CDH12: variants seen among roughly 807,000 people sequenced by gnomAD.
CDH12 encodes cadherin 12, also known as cadherin-12.
Under a neutral mutation model 74.1 loss-of-function variants are expected in CDH12, and 41 were observed. That is an observed-to-expected ratio of 0.55 (90% CI 0.43 to 0.72). The LOEUF (loss-of-function observed/expected upper bound fraction) is 0.72, where lower values mean the gene tolerates loss of function less well. CDH12 is among the 30% of genes least tolerant of loss of function. The probability of loss-of-function intolerance (pLI) is 0.00; values close to 1 mark genes in which losing one functional copy is unlikely to be tolerated. For missense variants in CDH12, 945 were observed against 977.2 expected (o/e 0.97, Z 0.44); for synonymous variants, 399 against 355.0 (o/e 1.12, Z -1.39).
intron 1 of CDH12, among the ~76,000 whole-genome samples, chr5:22,753,307 G>A (rs1289176756): frequency 6.6e-6 from 1 of 151,480 alleles, no homozygotes; most frequent in East Asian, 2.0e-4. Flanking sequence ...CACGGTGGCG[G>A]GCGCCTGTAG....
intron 1 of CDH12, among the ~76,000 whole-genome samples, chr5:22,567,486 G>A (rs146397864): frequency 1.6e-3 from 239 of 152,204 alleles, no homozygotes; most frequent in African/African-American, 5.6e-3. Context: ...CAGTTTTCCC[G>A]TGTCTTTCAA....
intron 4 of CDH12, among the ~76,000 whole-genome samples, chr5:22,097,460 C>A (rs1031227942): frequency 1.3e-5 from 2 of 152,152 alleles, no homozygotes; most frequent in African/African-American, 2.4e-5. Flanking sequence ...GCCTGTTTCC[C>A]TTGCCTCCAT....
chr5:22,561,524 G>A (rs796260929), intron 1 of CDH12, among the ~76,000 whole-genome samples: 173 of 151,910 alleles, frequency 1.1e-3, no homozygotes, highest in African/African-American at 3.9e-3. Flanking sequence ...TTCCACCTAA[G>A]GGAGCTGGAT....
intron 1 of CDH12, among the ~76,000 whole-genome samples, chr5:22,657,413 A>G (rs1194324055): frequency 6.6e-6 from 1 of 152,136 alleles, no homozygotes; most frequent in Non-Finnish European, 1.5e-5. Context: ...CTTTGATAAT[A>G]TTTTACATTA....
At chr5:22,506,440 G>A (rs1215625206) in intron 1 of CDH12, among the ~76,000 whole-genome samples, 1 of 151,920 alleles carries the variant, frequency 6.6e-6, no homozygotes, top group Non-Finnish European at 1.5e-5. Context: ...TTTAGCTTTG[G>A]ACTTCGTGAG....
chr5:22,727,879 T>C (rs1412893878), intron 1 of CDH12, among the ~76,000 whole-genome samples: 1 of 151,768 alleles, frequency 6.6e-6, no homozygotes, highest in Non-Finnish European at 1.5e-5. Context: ...TTTACTTTTG[T>C]TATCTGCATT....
At position 22,273,751 on chromosome 5, in the gene CDH12, C is replaced by T. The variant is rs547016643; in HGVS notation, c.-332-61108G>A. ...TGGTGGGATTATTCCTATCTCACTC[C>T]TTTTCTTTGAGTGAGGTGGGAATAC... On this transcript the variant is annotated intron_variant, in intron 3 of 14. Transcript: ENST00000382254. 7.9e-5 allele frequency among the ~76,000 whole-genome samples: 12 copies of T among 151,286 alleles called. No individual in the cohort carries two copies. In the South Asian group the frequency reaches 2.5e-3, roughly 31 times the overall value.
intron 1 of CDH12, among the ~76,000 whole-genome samples, chr5:22,640,844 C>T (rs1739110025): frequency 6.6e-6 from 1 of 151,038 alleles, no homozygotes; most frequent in Non-Finnish European, 1.5e-5. Flanking sequence ...TCTCTGGTCA[C>T]TATTCATACG....
intron 3 of CDH12, among the ~76,000 whole-genome samples, chr5:22,313,240 T>A (rs539706592): frequency 6.6e-6 from 1 of 152,206 alleles, no homozygotes; most frequent in South Asian, 2.1e-4. Context: ...GTATTAAACT[T>A]TTTTATCAAG....
At chr5:22,147,383 T>G (rs1747257349) in intron 4 of CDH12, among the ~76,000 whole-genome samples, 1 of 152,176 alleles carries the variant, frequency 6.6e-6, no homozygotes, top group African/African-American at 2.4e-5. Context: ...GGTAAACTCT[T>G]AATTAAGTGG....
intron 1 of CDH12, among the ~76,000 whole-genome samples, chr5:22,811,376 G>C (rs1180659347): frequency 1.3e-5 from 2 of 152,154 alleles, no homozygotes; most frequent in Non-Finnish European, 2.9e-5. Flanking sequence ...TGAGCAGAAA[G>C]AGAGAACCTA....
chr5:21,771,396 A>G (rs1216300077), intron 11 of CDH12, among the ~76,000 whole-genome samples: 1 of 152,174 alleles, frequency 6.6e-6, no homozygotes, highest in Admixed American at 6.6e-5. Context: ...TTATGTTTAA[A>G]TGGCACATTA....
chr5:21,861,052 G>T (rs1245789954), intron 6 of CDH12, among the ~76,000 whole-genome samples: 1 of 151,992 alleles, frequency 6.6e-6, no homozygotes, highest in Non-Finnish European at 1.5e-5. Context: ...GGTGAAAAAG[G>T]TCCTGAAAGT....
chr5:22,449,532 A>T lies in CDH12; in HGVS notation c.-427-44181T>A, dbSNP rs1371959525. On this transcript the variant is annotated intron_variant, in intron 2 of 14. Coordinates refer to ENST00000382254, the MANE Select transcript of CDH12 (RefSeq NM_004061.5). ...GATGTCTACAGACTCCTTACATAAAATTTTACAGAGTGTTTCTTCCCAACG... is the reference window on the plus strand; with the variant it reads ...GATGTCTACAGACTCCTTACATAAATTTTTACAGAGTGTTTCTTCCCAACG... 5.3e-5 allele frequency among the ~76,000 whole-genome samples: 8 copies of T among 152,194 alleles called. No individual in the cohort carries two copies. In the East Asian group the frequency reaches 1.5e-3, roughly 29 times the overall value.
intron 1 of CDH12, among the ~76,000 whole-genome samples, chr5:22,509,621 C>T (rs1008443364): frequency 1.3e-5 from 2 of 151,984 alleles, no homozygotes; most frequent in African/African-American, 2.4e-5. Flanking sequence ...CATCTTGGGT[C>T]GCTTGAAGGA....
In CDH12 at chr5:21,755,699, C is replaced by T; in HGVS notation, c.1777G>A (p.Asp593Asn). Residue 593 changes from aspartate (D) to asparagine (N), a missense_variant, in exon 14 of 15, where the codon GAC (aspartate) becomes AAC (asparagine). Asp to Asn is a conservative substitution (Grantham distance 23). Coordinates refer to ENST00000382254, the MANE Select transcript of CDH12 (RefSeq NM_004061.5). ...CAAGACAGGATGGTGCCATCAGAGT[C>T]ACATCTACAGACTCGAATAGTCATT... ...NTMTIRVCRC[D>N]SDGTILSCNV... 6.2e-7 allele frequency: 1 copy of T among 1,614,114 alleles called. No individual in the cohort carries two copies. The highest frequency in any genetic ancestry group is 8.5e-7 in the Non-Finnish European group (1 of 1,180,002).
intron 13 of CDH12, among the ~76,000 whole-genome samples, chr5:21,757,106 G>T (rs1450943760): frequency 6.6e-6 from 1 of 152,056 alleles, no homozygotes; most frequent in African/African-American, 2.4e-5. Context: ...GAGAAGGTAG[G>T]GATTTGGTAT....
chr5:22,742,866 G>A (rs1745098196), intron 1 of CDH12, among the ~76,000 whole-genome samples: 1 of 151,952 alleles, frequency 6.6e-6, no homozygotes, highest in Non-Finnish European at 1.5e-5. Context: ...AGGGTGCCTA[G>A]ATAGTTGGTC....
At chr5:22,459,384 T>A (rs1185513060) in intron 2 of CDH12, among the ~76,000 whole-genome samples, 1 of 152,164 alleles carries the variant, frequency 6.6e-6, no homozygotes, top group African/African-American at 2.4e-5. Context: ...TATTGCAACA[T>A]TAAAATTTTT....
Sources: allele counts gnomAD v4.1 joint callset (sites outside exome capture counted in the v4.1 genomes callset), GRCh38; gene constraint gnomAD v4.1.1; transcripts MANE v1.5; gene names NCBI Gene and HGNC (gene_info 2026-07-23, HGNC 2026-07-21).